The following MACROD2 variants were observed in gnomAD, a reference collection of about 807,000 sequenced individuals.
MACROD2 encodes the protein mono-ADP ribosylhydrolase 2.
In MACROD2, 36 loss-of-function variants were observed where a neutral mutation model predicts 70.4. That is an observed-to-expected ratio of 0.51 (90% CI 0.39 to 0.68). The LOEUF (loss-of-function observed/expected upper bound fraction) is 0.68. MACROD2 is among the 30% of genes least tolerant of loss of function. The probability of loss-of-function intolerance (pLI) is 0.00; values close to 1 mark genes in which losing one functional copy is unlikely to be tolerated. For synonymous variants in MACROD2, 172 were observed against 178.8 expected, an observed-to-expected ratio of 0.96 and a Z score of 0.30; for missense variants, 496 against 538.4, an observed-to-expected ratio of 0.92 and a Z score of 0.78.
chr20:15,589,696 A>G (rs977009363), intron 8 of MACROD2, among the ~76,000 whole-genome samples: 1 of 152,176 alleles, frequency 6.6e-6, no homozygotes, highest in African/African-American at 2.4e-5. Flanking sequence ...CCTTCCAGCA[A>G]TCCCTGGCAA....
chr20:14,511,230 CAT>C (rs2085026306), intron 4 of MACROD2, among the ~76,000 whole-genome samples: 1 of 151,980 alleles, frequency 6.6e-6, no homozygotes, highest in African/African-American at 2.4e-5. Flanking sequence ...AGTAAGAAAA[CAT>C]GTAACTTAAT....
chr20:15,425,176 A>G (rs1035361659), intron 6 of MACROD2, among the ~76,000 whole-genome samples: 6 of 152,232 alleles, frequency 3.9e-5, no homozygotes, highest in Non-Finnish European at 8.8e-5. Context: ...ACTCCTATCT[A>G]TGACTCTGAG....
chr20:15,106,827 A>C (rs1383579293), intron 5 of MACROD2, among the ~76,000 whole-genome samples: 1 of 151,994 alleles, frequency 6.6e-6, no homozygotes, highest in East Asian at 1.9e-4. Context: ...GTGCCCTATT[A>C]CAGTGATCTG....
At chr20:15,376,675 G>A (rs771488435) in intron 6 of MACROD2, among the ~76,000 whole-genome samples, 1 of 151,974 alleles carries the variant, frequency 6.6e-6, no homozygotes, top group African/African-American at 2.4e-5. Flanking sequence ...AGAGATTAGG[G>A]GATTATAAAA....
At chr20:15,846,467 G>A (rs192688198) in intron 8 of MACROD2, among the ~76,000 whole-genome samples, 62 of 152,070 alleles carry the variant, frequency 4.1e-4, no homozygotes, top group African/African-American at 1.4e-3. Flanking sequence ...TTATTGACTT[G>A]AGACAGCAGC....
intron 3 of MACROD2, among the ~76,000 whole-genome samples, chr20:14,397,157 G>A (rs72623535): frequency 0.14 from 20,918 of 151,126 alleles, 1,818 homozygotes; most frequent in South Asian, 0.32. Flanking sequence ...ACCACACCTG[G>A]GTAATTTTTG....
intron 7 of MACROD2, among the ~76,000 whole-genome samples, chr20:15,453,443 A>G (rs1024079945): frequency 2.0e-5 from 3 of 152,174 alleles, no homozygotes; most frequent in Admixed American, 1.3e-4. Context: ...AATTATGTTT[A>G]CATCATGATC....
In MACROD2 at chr20:15,784,255, T is replaced by C. The variant is rs532195714; in HGVS notation, c.646-78490T>C. 2.0e-5 allele frequency among the ~76,000 whole-genome samples: 3 copies of C among 152,210 alleles called. No homozygotes were observed. The South Asian group carries it at 6.2e-4, about 32-fold the overall frequency. On this transcript the variant is annotated intron_variant, in intron 8 of 17. Coordinates refer to ENST00000684519, the MANE Select transcript of MACROD2 (RefSeq NM_001351661.2). ...ACCACTATCCTCTCTGATGTAACAG[T>C]AAGGTGTGTTGTAACAAGTGCCTGG...
intron 5 of MACROD2, among the ~76,000 whole-genome samples, chr20:15,187,428 C>T (rs777009733): frequency 3.9e-5 from 6 of 152,126 alleles, no homozygotes; most frequent in Non-Finnish European, 8.8e-5. Flanking sequence ...TATTATGGAT[C>T]AACTAAAGTC....
chr20:15,868,816 C>T (rs993428102), intron 9 of MACROD2, among the ~76,000 whole-genome samples: 9 of 152,150 alleles, frequency 5.9e-5, no homozygotes, highest in African/African-American at 2.2e-4. Flanking sequence ...ACTCTGTCAT[C>T]TAGACTGGAG....
intron 6 of MACROD2, among the ~76,000 whole-genome samples, chr20:15,250,927 G>T (rs1304750428): frequency 1.3e-5 from 2 of 152,176 alleles, no homozygotes; most frequent in Non-Finnish European, 2.9e-5. Context: ...TAGAATGAAT[G>T]TAGAATGAAT....
At chr20:15,709,195 G>A (rs1416765257) in intron 8 of MACROD2, among the ~76,000 whole-genome samples, 1 of 152,168 alleles carries the variant, frequency 6.6e-6, no homozygotes, top group Admixed American at 6.5e-5. Context: ...CCACCAGGGG[G>A]CGGTGCACCG....
intron 3 of MACROD2, among the ~76,000 whole-genome samples, chr20:14,292,319 T>C (rs979787736): frequency 1.3e-5 from 2 of 151,892 alleles, no homozygotes; most frequent in Non-Finnish European, 2.9e-5. Flanking sequence ...GAAGATATTT[T>C]TAATTAATGT....
At chr20:14,490,192 T>C (rs1169941764) in intron 3 of MACROD2, among the ~76,000 whole-genome samples, 1 of 152,232 alleles carries the variant, frequency 6.6e-6, no homozygotes, top group Non-Finnish European at 1.5e-5. Flanking sequence ...TTGATACTTT[T>C]AATTAAAAAA....
At chr20:15,778,674 CTCTGTACCTTTAGGTACAGAGGTTGAAA>C (rs1457279603) in intron 8 of MACROD2, among the ~76,000 whole-genome samples, 1 of 151,764 alleles carries the variant, frequency 6.6e-6, no homozygotes, top group Non-Finnish European at 1.5e-5. Flanking sequence ...TATAAAATAC[CTCTGTACCTTTAGGTACAGAGGTTGAAA>C]TGAATGAACT....
chr20:14,015,288 A>G (rs566112309), intron 2 of MACROD2, among the ~76,000 whole-genome samples: 1 of 152,124 alleles, frequency 6.6e-6, no homozygotes, highest in South Asian at 2.1e-4. Flanking sequence ...ATATTCCCAG[A>G]TAGAAACTTT....
intron 5 of MACROD2, among the ~76,000 whole-genome samples, chr20:14,686,940 C>G (rs957982711): frequency 7.2e-5 from 11 of 152,108 alleles, no homozygotes; most frequent in Admixed American, 7.2e-4. Flanking sequence ...TCAAACAAAC[C>G]CTTTGTGTAG....
In MACROD2 at chr20:13,995,753, C is replaced by T. The variant is rs1483590227; in HGVS notation, c.-11C>T. The T allele has an allele frequency of 6.2e-7, 1 of 1,612,620 alleles. No homozygotes were observed. The highest frequency in any genetic ancestry group is 1.3e-5 in the African/African-American group (1 of 74,852). ...AACTTGCAGCTTAAAGCCAGCCACC[C>T]CCACGGCAACATGTACCCCAGCAAC... On this transcript the variant is annotated 5_prime_UTR_variant, in exon 1 of 18. Transcript: ENST00000684519. The surrounding 1 kb of genome is among the most constrained non-coding windows in gnomAD (Gnocchi z 4.3).
chr20:14,411,521 G>T (rs773135633), intron 3 of MACROD2, among the ~76,000 whole-genome samples: 1 of 152,018 alleles, frequency 6.6e-6, no homozygotes, highest in African/African-American at 2.4e-5. Flanking sequence ...CTTCCTGAAG[G>T]TCTGAGGTTA....
Sources: allele counts gnomAD v4.1 joint callset (sites outside exome capture counted in the v4.1 genomes callset), GRCh38; gene constraint gnomAD v4.1.1; non-coding constraint Gnocchi (gnomAD v3.1); transcripts MANE v1.5; gene names NCBI Gene and HGNC (gene_info 2026-07-23, HGNC 2026-07-21).